The following NXT2 variants were observed in gnomAD, a reference collection of about 807,000 sequenced individuals.
The protein encoded by NXT2 is nuclear transport factor 2 like export factor 2, also known as NTF2-related export protein 2.
Under a neutral mutation model 9.6 loss-of-function variants are expected in NXT2, and 1 was observed. The ratio of observed to expected loss-of-function variants is 0.10; its 90% CI spans 0.04 to 0.49. NXT2 has a LOEUF of 0.49. Ranked by LOEUF, NXT2 falls within the 20% of genes least tolerant of loss-of-function variation. NXT2 has a pLI of 0.95. For missense variants in NXT2, 48 were observed against 100.3 expected, an observed-to-expected ratio of 0.48 and a Z score of 2.23; for synonymous variants, 22 against 35.4, an observed-to-expected ratio of 0.62 and a Z score of 1.34.
chrX:109,537,356 C>T (rs959675849), intron 1 of NXT2: 1 of 846,304 alleles, frequency 1.2e-6, no homozygotes, highest in Non-Finnish European at 1.4e-6. Context: ...AAGAAACTGG[C>T]GATTCATTGT....
In NXT2 at chrX:109,541,480, A is replaced by G; in HGVS notation, c.108A>G (p.Leu36=). Residue 36 remains leucine (L), a synonymous_variant, in exon 3 of 4, where the codon CTA becomes CTG. Coordinates refer to ENST00000372106, the MANE Select transcript of NXT2 (RefSeq NM_001242617.2). ...YETMDKRRRA[L]TRLYLDKATL... ...AAATTTGTCTTTCTTTTTAGGCACT[A>G]ACCAGGCTGTATCTGGACAAGGCCA... 1.7e-6 allele frequency: 2 copies of G among 1,193,965 alleles called. No individual in the cohort carries two copies. Among genetic ancestry groups the G allele is most frequent in the Non-Finnish European group, 2.3e-6 (2 of 883,479 alleles).
At chrX:109,536,031 C>A, upstream of NXT2, 1 of 971,413 alleles carries the variant, frequency 1.0e-6, no homozygotes, top group Non-Finnish European at 1.4e-6. Flanking sequence ...TCATTGGCGG[C>A]TTTGGGATGA....
At position 109,541,582 on chromosome X, in the gene NXT2, G is replaced by C; in HGVS notation, c.210G>C (p.Glu70Asp). 1 of 1,206,231 alleles carries C rather than the reference G, an allele frequency of 8.3e-7. No homozygotes were observed. Among genetic ancestry groups the C allele is most frequent in the Non-Finnish European group, 1.1e-6 (1 of 891,590 alleles). ...NNFFDTLPSS[E>D]FQVNMLDCQP... ...TTTTTGACACATTGCCTTCTAGTGA[G>C]TTCCAGGTCAATATGTTAGATTGCC... is the stretch of plus-strand genomic sequence containing the variant. The change falls in exon 3 of 4, where the codon GAG becomes GAC. Residue 70 changes from glutamate to aspartate, a missense_variant. Physicochemically the swap from Glu to Asp is conservative, Grantham distance 45. Coordinates refer to ENST00000372106, the MANE Select transcript of NXT2 (RefSeq NM_001242617.2).
chrX:109,543,649 C>T lies in NXT2; in HGVS notation c.*961C>T, dbSNP rs746517500. On this transcript the variant is annotated 3_prime_UTR_variant, in exon 4 of 4. Transcript: ENST00000372106. ...TTAGATCTTTTTACTTCACCTCATA[C>T]TTATCACCAATGTATATCTCCATTT... is the stretch of plus-strand genomic sequence containing the variant. The T allele has an allele frequency of 3.6e-5, 4 of 112,215 alleles. No individual in the cohort carries two copies. In the South Asian group the frequency reaches 1.1e-3, roughly 31 times the overall value. The allele number at this position is 112,215 out of a possible 1,213,427, so 9.2% of individuals were successfully genotyped here. A position where few individuals can be genotyped will look rare whatever the true frequency, so the allele number is the denominator to read the frequency against.
At chrX:109,536,843 C>G (rs1403525774), upstream of NXT2, 4 of 1,122,291 alleles carry the variant, frequency 3.6e-6, no homozygotes, top group Non-Finnish European at 4.7e-6. Context: ...CTTTTAACGA[C>G]GGACCGAGCT....
At chrX:109,537,559 C>CGT (rs111431650) in intron 1 of NXT2, 4,846 of 120,353 alleles carry the variant, frequency 0.04, 116 homozygotes, top group African/African-American at 0.091. Context: ...GAACTACTTT[C>CGT]GTGTGTGTGT....
intron 1 of NXT2, chrX:109,537,380 A>C: frequency 1.2e-6 from 1 of 814,889 alleles, no homozygotes; most frequent in East Asian, 9.8e-5. Context: ...TAATTTAGTA[A>C]TAGACTGGGC....
upstream of NXT2, chrX:109,535,860 A>G: frequency 3.7e-6 from 4 of 1,089,879 alleles, no homozygotes; most frequent in South Asian, 8.0e-5. Context: ...GAAAAGAGCC[A>G]GATAAAGAGA....
intron 1 of NXT2, 95 bp downstream of exon 1, chrX:109,537,116 A>G: frequency 8.9e-7 from 1 of 1,122,194 alleles, no homozygotes; most frequent in Non-Finnish European, 1.2e-6. Flanking sequence ...TCACGTGGAT[A>G]GGTGACGAAT....
intron 2 of NXT2, among the ~76,000 whole-genome samples, chrX:109,541,062 C>T (rs1368691002): frequency 6.3e-5 from 7 of 111,656 alleles, no homozygotes; most frequent in Non-Finnish European, 1.1e-4. Context: ...TTAAAGGGTA[C>T]AGGTAGGGCT....
At chrX:109,539,188 G>A (rs1008434226) in intron 2 of NXT2, among the ~76,000 whole-genome samples, 9 of 111,773 alleles carry the variant, frequency 8.1e-5, no homozygotes, top group Non-Finnish European at 1.7e-4. Flanking sequence ...CCATGTCCCT[G>A]CAAAGAACAG....
chrX:109,538,160 A>G (rs1346995599), intron 2 of NXT2, 29 bp downstream of exon 2: 28 of 874,977 alleles, frequency 3.2e-5, no homozygotes, highest in Non-Finnish European at 4.7e-5. Flanking sequence ...ACTACTCTTT[A>G]TAGACTACTA....
At chrX:109,539,968 T>TAG (rs1178037569) in intron 2 of NXT2, among the ~76,000 whole-genome samples, 2 of 112,050 alleles carry the variant, frequency 1.8e-5, no homozygotes, top group African/African-American at 3.3e-5. Flanking sequence ...TTTTGGGTGT[T>TAG]ACGTTTAAGT....
At chrX:109,537,494 A>G (rs1933308403) in intron 1 of NXT2, 4 of 479,806 alleles carry the variant, frequency 8.3e-6, no homozygotes, top group Non-Finnish European at 1.0e-5. Context: ...AGCAGTGAAT[A>G]TTTACGCAAT....
chrX:109,541,715 C>A, intron 3 of NXT2, 96 bp downstream of exon 3: 1 of 687,233 alleles, frequency 1.5e-6, no homozygotes, highest in Non-Finnish European at 2.1e-6. Flanking sequence ...AGTGGTAGAA[C>A]TATTTACTTA....
intron 1 of NXT2, among the ~76,000 whole-genome samples, 188 bp from the exon 2 acceptor site, chrX:109,537,857 A>G (rs1933320116): frequency 8.9e-6 from 1 of 112,474 alleles, no homozygotes; most frequent in Non-Finnish European, 1.9e-5. Context: ...ACTTAAAATT[A>G]GTGAAAAATT....
At position 109,543,463 on chromosome X, in the gene NXT2, G is replaced by A. The variant is rs1192086782; in HGVS notation, c.*775G>A. 4.5e-5 allele frequency: 5 copies of A among 111,600 alleles called. No homozygotes were observed. The Admixed American group carries it at 4.8e-4, about 11-fold the overall frequency. The allele number at this position is 111,600 out of a possible 1,213,427, so 9.2% of individuals were successfully genotyped here. A position where few individuals can be genotyped will look rare whatever the true frequency, so the allele number is the denominator to read the frequency against. ...TAGGGAATGAGAAATAGAAATCCAAGGCTGAAGCCAAAAGTAAGGAGGGTG... is the reference window on the plus strand; with the variant it reads ...TAGGGAATGAGAAATAGAAATCCAAAGCTGAAGCCAAAAGTAAGGAGGGTG... On this transcript the variant is annotated 3_prime_UTR_variant, in exon 4 of 4. Coordinates refer to ENST00000372106, the MANE Select transcript of NXT2 (RefSeq NM_001242617.2).
At chrX:109,538,016 A>G in intron 1 of NXT2, 29 bp from the exon 2 acceptor site, 4 of 1,005,268 alleles carry the variant, frequency 4.0e-6, no homozygotes, top group Non-Finnish European at 5.6e-6. Context: ...AAAGGTTGGT[A>G]ATCTATACTT....
chrX:109,537,417 T>G, intron 1 of NXT2: 1 of 749,750 alleles, frequency 1.3e-6, no homozygotes. Context: ...AAGGAAGGTA[T>G]TCCTTAATTC....
Sources: gnomAD v4.1 joint callset for allele counts (sites outside exome capture counted in the v4.1 genomes callset) on GRCh38, gnomAD v4.1.1 for gene constraint, MANE v1.5 for transcripts, NCBI Gene and HGNC (gene_info 2026-07-23, HGNC 2026-07-21) for gene names.